Variants in GPR107 observed in about 807,000 individuals in gnomAD.
The protein encoded by GPR107 is G protein-coupled receptor 107.
In GPR107, 31 loss-of-function variants were observed where a neutral mutation model predicts 75.5. The observed-to-expected ratio is 0.41, with a 90% CI of 0.31 to 0.55. The LOEUF is 0.55. GPR107 is among the 20% of genes least tolerant of loss of function. GPR107 has a pLI of 0.26. For missense variants in GPR107, 572 were observed against 665.7 expected, an observed-to-expected ratio of 0.86 and a Z score of 1.55; for synonymous variants, 267 against 251.3, an observed-to-expected ratio of 1.06 and a Z score of -0.59.
intron 9 of GPR107, among the ~76,000 whole-genome samples, chr9:130,093,261 G>T (rs1326826374): frequency 1.3e-5 from 2 of 152,052 alleles, no homozygotes; most frequent in African/African-American, 4.8e-5. Flanking sequence ...GGTTCTTGAG[G>T]GGAGCAGCTG....
At chr9:130,119,906 C>T (rs1048455159) in intron 14 of GPR107, among the ~76,000 whole-genome samples, 16 of 152,154 alleles carry the variant, frequency 1.1e-4, no homozygotes, top group African/African-American at 3.6e-4. Flanking sequence ...GGCACAGTCA[C>T]GGCTTACTTT....
chr9:130,088,300 C>T (rs1039084520), intron 7 of GPR107, among the ~76,000 whole-genome samples: 2 of 152,212 alleles, frequency 1.3e-5, no homozygotes, highest in African/African-American at 2.4e-5. Context: ...TCGCTGTTCC[C>T]ACAGGCAGGA....
intron 17 of GPR107, among the ~76,000 whole-genome samples, chr9:130,132,184 C>G (rs541500319): frequency 5.9e-5 from 9 of 152,028 alleles, no homozygotes; most frequent in African/African-American, 1.7e-4. Context: ...CCTGGGAATA[C>G]AGGTGTGCCC....
rs1832044480 is a variant in GPR107 at position 130,139,551 on chromosome 9, G to C, written c.*4430G>C. 6.6e-6 allele frequency: 1 copy of C among 152,238 alleles called. No individual in the cohort carries two copies. The highest frequency in any genetic ancestry group is 6.5e-5 in the Admixed American group (1 of 15,280). 9.4% of individuals were successfully genotyped at this position (152,238 alleles called of 1,614,324 possible). ...CCCACACATCTCAGGCCCTGTGTGA[G>C]GGAGCACACTGAGATGGTGCAGGAG... is the stretch of plus-strand genomic sequence containing the variant. On this transcript the variant is annotated 3_prime_UTR_variant, in exon 18 of 18. Transcript: ENST00000347136.
chr9:130,063,373 G>A (rs1829979334), intron 1 of GPR107, among the ~76,000 whole-genome samples: 1 of 152,092 alleles, frequency 6.6e-6, no homozygotes, highest in Admixed American at 6.6e-5. Context: ...TGTATTTTTA[G>A]TAGAGACAGG....
At chr9:130,065,217 G>A (rs964440103) in intron 1 of GPR107, among the ~76,000 whole-genome samples, 2 of 151,950 alleles carry the variant, frequency 1.3e-5, no homozygotes, top group Admixed American at 6.6e-5. Context: ...TTGGGAGGCC[G>A]AGGTGGGCAA....
chr9:130,107,932 T>G (rs1250336066), intron 14 of GPR107, among the ~76,000 whole-genome samples: 2 of 152,268 alleles, frequency 1.3e-5, no homozygotes, highest in Non-Finnish European at 2.9e-5. Flanking sequence ...GCCTGCTGAT[T>G]TAACACACTT....
chr9:130,114,545 A>G, intron 14 of GPR107: 1 of 433,272 alleles, frequency 2.3e-6, no homozygotes, highest in Non-Finnish European at 4.6e-6. Flanking sequence ...ACCATGCCTC[A>G]CTAATTTTTA....
chr9:130,085,013 A>G lies in GPR107; in HGVS notation c.565-1407A>G, dbSNP rs1229432235. On this transcript the variant is annotated intron_variant, in intron 6 of 17. Transcript: ENST00000347136. ...TGCTGAGCACTGGCTCGTTTGAAGTAAAAGACACATATTTGGGAGCAGAGA... is the reference window on the plus strand; with the variant it reads ...TGCTGAGCACTGGCTCGTTTGAAGTGAAAGACACATATTTGGGAGCAGAGA... Among the ~76,000 whole-genome samples the G allele has an allele frequency of 2.0e-5, 3 of 152,200 alleles. 1 individual carries two copies. Among genetic ancestry groups the G allele is most frequent in the Non-Finnish European group, 4.4e-5 (3 of 68,040 alleles).
chr9:130,086,023 T>A (rs1255214871), intron 6 of GPR107, among the ~76,000 whole-genome samples: 1 of 152,152 alleles, frequency 6.6e-6, no homozygotes, highest in East Asian at 1.9e-4. Context: ...TATGTTGGGA[T>A]TACAGGCGTG....
At chr9:130,102,508 G>A (rs953346829) in intron 12 of GPR107, among the ~76,000 whole-genome samples, 2 of 152,158 alleles carry the variant, frequency 1.3e-5, no homozygotes, top group Non-Finnish European at 2.9e-5. Context: ...AGAAGATAAG[G>A]ACATTTAACA....
intron 7 of GPR107, among the ~76,000 whole-genome samples, chr9:130,088,247 C>T (rs935259349): frequency 2.6e-5 from 4 of 152,142 alleles, no homozygotes; most frequent in Non-Finnish European, 5.9e-5. Context: ...CCACACAAGC[C>T]GCCTTGCTTT....
chr9:130,121,003 G>A (rs758846), intron 14 of GPR107: 146,976 of 152,258 alleles, frequency 0.97, 71,020 homozygotes, highest in East Asian at 1. Context: ...TCAGGAATTC[G>A]AGACCAGCCT....
At chr9:130,108,763 T>G in intron 14 of GPR107, 1 of 456,030 alleles carries the variant, frequency 2.2e-6, no homozygotes, top group South Asian at 1.5e-5. Context: ...TTTTTTCCCC[T>G]CAAAGATACC....
At chr9:130,119,086 G>A (rs1341623650) in intron 14 of GPR107, among the ~76,000 whole-genome samples, 1 of 152,202 alleles carries the variant, frequency 6.6e-6, no homozygotes, top group Non-Finnish European at 1.5e-5. Flanking sequence ...GCAGGCTGTC[G>A]GTGTTCCTAA....
At chr9:130,133,287 GT>G (rs1255407892) in intron 17 of GPR107, 3 of 152,356 alleles carry the variant, frequency 2.0e-5, no homozygotes, top group South Asian at 4.1e-4. Flanking sequence ...GGGAGAAAAT[GT>G]TTTTCCCAAG....
intron 1 of GPR107, among the ~76,000 whole-genome samples, chr9:130,062,205 G>A (rs1057307241): frequency 2.0e-5 from 3 of 151,624 alleles, no homozygotes; most frequent in African/African-American, 7.3e-5. Context: ...ACCTGAGGTC[G>A]GGTTTGAGAC....
chr9:130,074,922 G>A (rs764822137), intron 1 of GPR107, among the ~76,000 whole-genome samples: 8 of 150,812 alleles, frequency 5.3e-5, no homozygotes, highest in African/African-American at 2.4e-5. Flanking sequence ...TGTTTTGAGT[G>A]CCTACTAGAT....
chr9:130,105,419 A>AG (rs1831135146), intron 13 of GPR107, among the ~76,000 whole-genome samples: 1 of 151,580 alleles, frequency 6.6e-6, no homozygotes, highest in East Asian at 1.9e-4. Flanking sequence ...ATGCCTGGCT[A>AG]ATTTTTTTTG....
Sources: allele counts gnomAD v4.1 joint callset (sites outside exome capture counted in the v4.1 genomes callset), GRCh38; gene constraint gnomAD v4.1.1; transcripts MANE v1.5; gene names NCBI Gene and HGNC (gene_info 2026-07-23, HGNC 2026-07-21).